The following OR5P3 variants were observed in gnomAD, a reference collection of about 807,000 sequenced individuals.
The protein encoded by OR5P3 is olfactory receptor 5P3.
For missense variants in OR5P3, 415 were observed against 375.6 expected (o/e 1.10, Z -0.87); for synonymous variants, 172 against 141.8 (o/e 1.21, Z -1.51).
In OR5P3 at chr11:7,830,206, A is replaced by ACACACACCACATGCATACG. The variant is rs1403595514; in HGVS notation, c.-22+617_-22+618insCGTATGCATGTGGTGTGTG. 5.9e-5 allele frequency among the ~76,000 whole-genome samples: 9 copies of ACACACACCACATGCATACG among 152,086 alleles called. 2 individuals carry two copies. The highest frequency in any genetic ancestry group is 8.8e-5 in the Non-Finnish European group (6 of 68,022). Reference sequence around the variant, plus strand: ...TCTCACACACACACCACATGCATACACACACACACACTGGCATCAAAGTCA... The same window carrying ACACACACCACATGCATACG: ...TCTCACACACACACCACATGCATACACACACACCACATGCATACGCACACACACACTGGCATCAAAGTCA... On this transcript the variant is annotated intron_variant, in intron 1 of 1. Coordinates refer to ENST00000641167, the MANE Select transcript of OR5P3 (RefSeq NM_153445.2).
rs1484976712 is a variant in OR5P3, at chr11:7,825,888, G to T, written c.85C>A (p.Leu29Ile). ...EDTTVCAILFLVFLGIYVVTL... is the reference protein window; with the variant it reads ...EDTTVCAILFIVFLGIYVVTL... ...ACAACATAAATTCCTAGAAACACAAGAAATAAAATAGCACAAACTGTAGTA... is the reference window on the plus strand; with the variant it reads ...ACAACATAAATTCCTAGAAACACAATAAATAAAATAGCACAAACTGTAGTA... Residue 29 changes from leucine to isoleucine, a missense_variant, in exon 2 of 2, where the codon CTT becomes ATT. Coordinates refer to ENST00000641167, the MANE Select transcript of OR5P3 (RefSeq NM_153445.2). 3.7e-6 allele frequency: 6 copies of T among 1,608,788 alleles called. No individual in the cohort carries two copies. In the Admixed American group the frequency reaches 1.0e-4, roughly 27 times the overall value.
intron 1 of OR5P3, among the ~76,000 whole-genome samples, chr11:7,830,385 G>A (rs542488524): frequency 1.3e-5 from 2 of 152,126 alleles, no homozygotes; most frequent in Admixed American, 6.6e-5. Flanking sequence ...CCTTATCTTT[G>A]TACAGGGCTT....
intron 1 of OR5P3, among the ~76,000 whole-genome samples, chr11:7,827,181 A>G (rs1389086241): frequency 1.3e-5 from 2 of 152,216 alleles, no homozygotes; most frequent in Non-Finnish European, 2.9e-5. Flanking sequence ...CACATATTAT[A>G]CATCTTTTCT....
At position 7,825,362 on chromosome 11, in the gene OR5P3, C is replaced by G. The variant is rs745878933; in HGVS notation, c.611G>C (p.Gly204Ala). Reference sequence around the variant, plus strand: ...ACACACAGTGGCCACAATGATAGATCCAGAAGAGATAGCTGGAATTATTTC... The same window carrying G: ...ACACACAGTGGCCACAATGATAGATGCAGAAGAGATAGCTGGAATTATTTC... ...TFEIIPAISS[G>A]SIIVATVCVI... Residue 204 changes from glycine to alanine, a missense_variant, in exon 2 of 2, where the codon GGA becomes GCA. Gly to Ala is a moderately conservative substitution (Grantham distance 60). Transcript: ENST00000641167. 1.2e-6 allele frequency: 2 copies of G among 1,612,972 alleles called. No individual in the cohort carries two copies. Among genetic ancestry groups the G allele is most frequent in the East Asian group, 2.2e-5 (1 of 44,876 alleles).
Position 7,824,937 on chromosome 11 carries a change from G to C in OR5P3, c.*100C>G. 1 of 877,812 alleles carries C rather than the reference G, an allele frequency of 1.1e-6. No individual in the cohort carries two copies. The highest frequency in any genetic ancestry group is 1.6e-6 in the Non-Finnish European group (1 of 616,938). The allele number at this position is 877,812 out of a possible 1,614,324, so 54.4% of individuals were successfully genotyped here. ...ACTAAAAAGCTCCACACTGGGTAATGGTCTATGGACAGATAAATTTTGACC... is the reference window on the plus strand; with the variant it reads ...ACTAAAAAGCTCCACACTGGGTAATCGTCTATGGACAGATAAATTTTGACC... On this transcript the variant is annotated 3_prime_UTR_variant, in exon 2 of 2. Coordinates refer to ENST00000641167, the MANE Select transcript of OR5P3 (RefSeq NM_153445.2).
Position 7,825,962 on chromosome 11 carries a change from C to A in OR5P3, c.11G>T (p.Gly4Val). 1 of 1,536,544 alleles carries A rather than the reference C, an allele frequency of 6.5e-7. No individual in the cohort carries two copies. The highest frequency in any genetic ancestry group is 8.8e-7 in the Non-Finnish European group (1 of 1,132,350). The change falls in exon 2 of 2, where the codon GGA (glycine) becomes GTA (valine). Residue 4 changes from glycine to valine, a missense_variant. Coordinates refer to ENST00000641167, the MANE Select transcript of OR5P3 (RefSeq NM_153445.2). The stretch of plus-strand genomic sequence containing the variant: ...AAACTCTACCACAGTGGTGTCATTT[C>A]CAGTCCCCATCTATATTGGGAATGG... Reference protein sequence around the residue: MGTGNDTTVVEFTL... With the variant: MGTVNDTTVVEFTL...
chr11:7,825,110 A>G lies in OR5P3; in HGVS notation c.863T>C (p.Leu288Pro). Residue 288 changes from leucine (L) to proline (P), a missense_variant, in exon 2 of 2, where the codon CTG (leucine) becomes CCG (proline). By Grantham distance (98) the Leu-to-Pro change is moderately conservative. Coordinates refer to ENST00000641167, the MANE Select transcript of OR5P3 (RefSeq NM_153445.2). ...CTCCTTGTTCCTGAGGCTGTAGATC[A>G]GGGGGTTCAACATGGGAATCACCAC... The part of the protein sequence containing the change: ...YTVVIPMLNP[L>P]IYSLRNKEIK... 2 of 1,613,608 alleles carry G rather than the reference A, an allele frequency of 1.2e-6. No individual in the cohort carries two copies. The highest frequency in any genetic ancestry group is 1.7e-6 in the Non-Finnish European group (2 of 1,180,008).
rs372277097 is a variant in OR5P3 at position 7,825,892 on chromosome 11, T to C, written c.81A>G (p.Leu27=). ...CATAAATTCCTAGAAACACAAGAAATAAAATAGCACAAACTGTAGTATCCT... is the reference window on the plus strand; with the variant it reads ...CATAAATTCCTAGAAACACAAGAAACAAAATAGCACAAACTGTAGTATCCT... ...LSEDTTVCAI[L]FLVFLGIYVV... The change falls in exon 2 of 2, where the codon TTA becomes TTG. Residue 27 remains leucine (L), a synonymous_variant. Transcript: ENST00000641167. The C allele has an allele frequency of 3.7e-6, 6 of 1,608,390 alleles. No homozygotes were observed. Among genetic ancestry groups the C allele is most frequent in the African/African-American group, 1.4e-5 (1 of 73,582 alleles).
chr11:7,829,063 T>A (rs929459663), intron 1 of OR5P3, among the ~76,000 whole-genome samples: 1 of 152,154 alleles, frequency 6.6e-6, no homozygotes, highest in African/African-American at 2.4e-5. Context: ...TGCTTCATCA[T>A]AAATATGAAA....
rs1482792 is a variant in OR5P3, at chr11:7,825,919, A to G, written c.54T>C (p.Ser18=). The change falls in exon 2 of 2, where the codon TCT becomes TCC. Residue 18 remains serine, a synonymous_variant. Transcript: ENST00000641167. ...TVVEFTLLGL[S]EDTTVCAILF... ...AAATAGCACAAACTGTAGTATCCTC[A>G]GATAACCCCAAAAGAGTAAACTCTA... 1,503,148 of 1,603,636 alleles carry G rather than the reference A, an allele frequency of 0.94. 709,082 individuals carry two copies. Among genetic ancestry groups the G allele is most frequent in the Non-Finnish European group, 0.96 (1,126,219 of 1,172,998 alleles).
intron 1 of OR5P3, among the ~76,000 whole-genome samples, chr11:7,830,347 A>G (rs1857796447): frequency 6.6e-6 from 1 of 152,234 alleles, no homozygotes; most frequent in African/African-American, 2.4e-5. Flanking sequence ...CCATGCAATT[A>G]CATGTTTGAA....
intron 1 of OR5P3, among the ~76,000 whole-genome samples, chr11:7,827,384 T>G (rs145345211): frequency 2.0e-5 from 3 of 152,306 alleles, no homozygotes; most frequent in Admixed American, 1.3e-4. Flanking sequence ...ATAGTCTCCT[T>G]CAGTGCCCAG....
At position 7,825,355 on chromosome 11, in the gene OR5P3, G is replaced by C. The variant is rs1299948566; in HGVS notation, c.618C>G (p.Ile206Met). The stretch of plus-strand genomic sequence containing the variant: ...CTATGACACACACAGTGGCCACAAT[G>C]ATAGATCCAGAAGAGATAGCTGGAA... The part of the protein sequence containing the change: ...EIIPAISSGS[I>M]IVATVCVIAI... The change falls in exon 2 of 2, where the codon ATC (isoleucine) becomes ATG (methionine). Residue 206 changes from isoleucine (I) to methionine (M), a missense_variant. Physicochemically the swap from Ile to Met is conservative, Grantham distance 10 (BLOSUM62 1). Transcript: ENST00000641167. The C allele has an allele frequency of 6.2e-7, 1 of 1,613,160 alleles. No homozygotes were observed. The highest frequency in any genetic ancestry group is 2.2e-5 in the East Asian group (1 of 44,890).
Position 7,825,453 on chromosome 11 carries a change from C to G in OR5P3, c.520G>C (p.Val174Leu), listed in dbSNP as rs764115683. ...LRLSFCGPNKVNHFFCDYSPL... is the reference protein window; with the variant it reads ...LRLSFCGPNKLNHFFCDYSPL... ...GAATAGTCACAGAAAAAGTGATTGACTTTATTTGGCCCACAGAAGGACAGT... is the reference window on the plus strand; with the variant it reads ...GAATAGTCACAGAAAAAGTGATTGAGTTTATTTGGCCCACAGAAGGACAGT... Residue 174 changes from valine to leucine, a missense_variant, in exon 2 of 2, where the codon GTC becomes CTC. Coordinates refer to ENST00000641167, the MANE Select transcript of OR5P3 (RefSeq NM_153445.2). 2 of 1,613,256 alleles carry G rather than the reference C, an allele frequency of 1.2e-6. No homozygotes were observed. The highest frequency in any genetic ancestry group is 1.7e-6 in the Non-Finnish European group (2 of 1,180,034).
rs752709328 is a variant in OR5P3, at chr11:7,825,143, AAC to A, written c.828_829del (p.Phe277LeufsTer21). ...CAACATGGGAATCACCACGGTGTAGAACACAGACACCACCTTGTTCTGGTCAG... is the reference window on the plus strand; with the variant it reads ...CAACATGGGAATCACCACGGTGTAGAACAGACACCACCTTGTTCTGGTCAG... On this transcript the variant is annotated frameshift_variant, in exon 2 of 2. Coordinates refer to ENST00000641167, the MANE Select transcript of OR5P3 (RefSeq NM_153445.2). LOFTEE classifies it low-confidence loss of function (END_TRUNC). The A allele has an allele frequency of 4.3e-6, 7 of 1,613,530 alleles. No homozygotes were observed. The South Asian group carries it at 7.7e-5, about 18-fold the overall frequency.
At chr11:7,828,984 A>C (rs184266328) in intron 1 of OR5P3, among the ~76,000 whole-genome samples, 2 of 152,330 alleles carry the variant, frequency 1.3e-5, no homozygotes, top group African/African-American at 4.8e-5. Flanking sequence ...AGATATAAGA[A>C]AGAAAATTTC....
chr11:7,825,568 G>A lies in OR5P3; in HGVS notation c.405C>T (p.Cys135=), dbSNP rs1355363413. 4 of 1,613,230 alleles carry A rather than the reference G, an allele frequency of 2.5e-6. No homozygotes were observed. The highest frequency in any genetic ancestry group is 1.7e-5 in the Admixed American group (1 of 60,000). ...AICSPLLYST[C]MSPGVCIILV... ...AGATGATGCAGACTCCAGGGGACAT[G>A]CAGGTAGAGTAGAGCAGGGGTGAGC... The change falls in exon 2 of 2, where the codon TGC becomes TGT. Residue 135 remains cysteine, a synonymous_variant. Transcript: ENST00000641167.
In OR5P3 at chr11:7,825,497, A is replaced by C; in HGVS notation, c.476T>G (p.Phe159Cys). Residue 159 changes from phenylalanine to cysteine, a missense_variant, in exon 2 of 2, where the codon TTC becomes TGC. Physicochemically the swap from Phe to Cys is radical, Grantham distance 205. Coordinates refer to ENST00000641167, the MANE Select transcript of OR5P3 (RefSeq NM_153445.2). ...YLGGCVNAWT[F>C]IGCLLRLSFC... The stretch of plus-strand genomic sequence containing the variant: ...GGACAGTCTTAATAAGCAGCCAATG[A>C]ATGTCCAAGCATTCACACATCCACC... The C allele has an allele frequency of 3.7e-6, 6 of 1,613,312 alleles. No homozygotes were observed. Among genetic ancestry groups the C allele is most frequent in the Non-Finnish European group, 5.1e-6 (6 of 1,180,024 alleles).
chr11:7,826,228 C>T (rs1857740610), intron 1 of OR5P3, among the ~76,000 whole-genome samples: 1 of 151,182 alleles, frequency 6.6e-6, no homozygotes, highest in Non-Finnish European at 1.5e-5. Context: ...ACACACTCAA[C>T]TCGTATTGGA....
Sources: gnomAD v4.1 joint callset for allele counts (sites outside exome capture counted in the v4.1 genomes callset) on GRCh38, gnomAD v4.1.1 for gene constraint, MANE v1.5 for transcripts, NCBI Gene and HGNC (gene_info 2026-07-23, HGNC 2026-07-21) for gene names.